C5orf15: variants seen among roughly 807,000 people sequenced by gnomAD.
C5orf15 encodes keratinocyte-associated transmembrane protein 2.
C5orf15 carries 10 observed loss-of-function variants against 17.8 expected under a neutral mutation model. The ratio of observed to expected loss-of-function variants is 0.56; its 90% confidence interval spans 0.35 to 0.95. The LOEUF is 0.95. C5orf15 is among the 40% of genes least tolerant of loss of function. The probability of loss-of-function intolerance (pLI) is 0.02; values close to 1 mark genes in which losing one functional copy is unlikely to be tolerated. For synonymous variants in C5orf15, 124 were observed against 131.0 expected, an observed-to-expected ratio of 0.95 and a Z score of 0.36; for missense variants, 319 against 331.7, an observed-to-expected ratio of 0.96 and a Z score of 0.30.
In C5orf15 at chr5:133,959,549, A is replaced by G. The variant is rs143003642; in HGVS notation, c.611T>C (p.Ile204Thr). The change falls in exon 2 of 3, where the codon ATT becomes ACT. Residue 204 changes from isoleucine (I) to threonine (T), a missense_variant. By Grantham distance (89) the Ile-to-Thr change is moderately conservative (BLOSUM62 -1). Around this residue, in one of 3 missense-constraint regions of C5orf15, gnomAD observed 175 missense variants for 192.4 expected, o/e 0.91. Transcript: ENST00000231512. ...AACAGCAATGCAAAAAGCAAAAATA[A>G]TAAGATGAAAAAAGAAATGGCTGTC... Reference protein sequence around the residue: ...EEDSHFFFHLIIFAFCIAVVY... With the variant: ...EEDSHFFFHLTIFAFCIAVVY... The G allele has an allele frequency of 2.5e-6, 4 of 1,600,620 alleles. No homozygotes were observed. The highest frequency in any genetic ancestry group is 2.6e-6 in the Non-Finnish European group (3 of 1,175,308).
At chr5:133,958,248 A>T (rs1752064757) in intron 2 of C5orf15, among the ~76,000 whole-genome samples, 1 of 151,962 alleles carries the variant, frequency 6.6e-6, no homozygotes, top group East Asian at 1.9e-4. Flanking sequence ...AATATTAAGG[A>T]TATGGAAAAT....
intron 1 of C5orf15, among the ~76,000 whole-genome samples, chr5:133,967,662 C>G (rs555165458): frequency 2.8e-4 from 42 of 152,254 alleles, no homozygotes; most frequent in Admixed American, 2.6e-3. Context: ...TGCATTAAAA[C>G]GAGGCAGGGT....
rs1752230593 is a variant in C5orf15 at position 133,968,547 on chromosome 5, G to A, written c.38C>T (p.Ala13Val). The change falls in exon 1 of 3, where the codon GCA (alanine) becomes GTA (valine). Residue 13 changes from alanine (A) to valine (V), a missense_variant. Ala to Val is a moderately conservative substitution (Grantham distance 64). Around this residue, in one of 3 missense-constraint regions of C5orf15, gnomAD observed 127 missense variants for 95.6 expected, o/e 1.33. Transcript: ENST00000231512. ...AAVPKRMRGP[A>V]QAKLLPGSAI... Reference sequence around the variant, plus strand: ...CGACCCGGGCAGCAGTTTCGCTTGTGCTGGCCCCCTCATCCTCTTCGGGAC... The same window carrying A: ...CGACCCGGGCAGCAGTTTCGCTTGTACTGGCCCCCTCATCCTCTTCGGGAC... The A allele has an allele frequency of 1.2e-6, 2 of 1,609,736 alleles. No homozygotes were observed. The highest frequency in any genetic ancestry group is 2.2e-5 in the South Asian group (2 of 90,162).
At chr5:133,962,630 ACCT>A (rs1251689330) in intron 1 of C5orf15, among the ~76,000 whole-genome samples, 1 of 151,544 alleles carries the variant, frequency 6.6e-6, no homozygotes, top group Non-Finnish European at 1.5e-5. Context: ...AAAATCTTTG[ACCT>A]CCTCTCTTCT....
Position 133,959,537 on chromosome 5 carries a change from A to G in C5orf15, c.623T>C (p.Phe208Ser). Residue 208 changes from phenylalanine (F) to serine (S), a missense_variant, in exon 2 of 3, where the codon TTT (phenylalanine) becomes TCT (serine). Phe to Ser is a radical substitution (Grantham distance 155). This residue lies in a region of C5orf15 where 175 missense variants were observed against 192.4 expected (regional missense o/e 0.91). Coordinates refer to ENST00000231512, the MANE Select transcript of C5orf15 (RefSeq NM_020199.3). ...HFFFHLIIFA[F>S]CIAVVYITYH... ...TGTAATGTAAACAACAGCAATGCAA[A>G]AAGCAAAAATAATAAGATGAAAAAA... is the stretch of plus-strand genomic sequence containing the variant. The G allele has an allele frequency of 6.3e-7, 1 of 1,594,084 alleles. No individual in the cohort carries two copies. The highest frequency in any genetic ancestry group is 8.5e-7 in the Non-Finnish European group (1 of 1,172,102).
chr5:133,960,810 C>A (rs1421354639), intron 1 of C5orf15, among the ~76,000 whole-genome samples: 1 of 152,010 alleles, frequency 6.6e-6, no homozygotes, highest in Non-Finnish European at 1.5e-5. Flanking sequence ...TCTTACTATT[C>A]TTTTACCAAG....
Position 133,959,573 on chromosome 5 carries a change from T to C in C5orf15, c.587A>G (p.Asp196Gly), listed in dbSNP as rs1214017262. 4.4e-6 allele frequency: 7 copies of C among 1,608,288 alleles called. No homozygotes were observed. The Admixed American group carries it at 5.1e-5, about 12-fold the overall frequency. Residue 196 changes from aspartate to glycine, a missense_variant, in exon 2 of 3, where the codon GAC (aspartate) becomes GGC (glycine). Asp to Gly is a moderately conservative substitution (Grantham distance 94). This residue lies in a region of C5orf15 where 175 missense variants were observed against 192.4 expected (regional missense o/e 0.91). Transcript: ENST00000231512. ...AATAAGATGAAAAAAGAAATGGCTG[T>C]CTTCCTCTTCTATATTTGAGGATGG... ...KMPSSNIEEE[D>G]SHFFFHLIIF...
In C5orf15 at chr5:133,968,594, G is replaced by C. The variant is rs751740085; in HGVS notation, c.-10C>G. On this transcript the variant is annotated 5_prime_UTR_variant, in exon 1 of 3. Transcript: ENST00000231512. ...GGACGGCAGCGGCCATAACGGACTC[G>C]GCTGGGAGCCTGCGCTGTTGCTAGG... 3.7e-6 allele frequency: 6 copies of C among 1,602,422 alleles called. No homozygotes were observed. The African/African-American group carries it at 5.3e-5, about 14-fold the overall frequency.
At chr5:133,960,685 T>G (rs896319832) in intron 1 of C5orf15, among the ~76,000 whole-genome samples, 1 of 152,182 alleles carries the variant, frequency 6.6e-6, no homozygotes, top group Admixed American at 6.5e-5. Flanking sequence ...ATTTTGAAGA[T>G]GAGGGAAGGC....
Position 133,959,751 on chromosome 5 carries a change from A to T in C5orf15, c.409T>A (p.Ser137Thr), listed in dbSNP as rs1211799194. The T allele has an allele frequency of 1.2e-6, 2 of 1,613,982 alleles. No homozygotes were observed. Among genetic ancestry groups the T allele is most frequent in the South Asian group, 2.2e-5 (2 of 91,068 alleles). The change falls in exon 2 of 3, where the codon TCC (serine) becomes ACC (threonine). Residue 137 changes from serine (S) to threonine (T), a missense_variant. Around this residue, in one of 3 missense-constraint regions of C5orf15, gnomAD observed 175 missense variants for 192.4 expected, o/e 0.91. Coordinates refer to ENST00000231512, the MANE Select transcript of C5orf15 (RefSeq NM_020199.3). The part of the protein sequence containing the change: ...EDLLMLNSSP[S>T]TAKDTLDNGD... ...TTGTCTAGAGTGTCTTTGGCTGTGGATGGAGAACTGTTCAGCATGAGAAGA... is the reference window on the plus strand; with the variant it reads ...TTGTCTAGAGTGTCTTTGGCTGTGGTTGGAGAACTGTTCAGCATGAGAAGA...
Position 133,956,809 on chromosome 5 carries a change from T to C in C5orf15, c.*50A>G, listed in dbSNP as rs746656501. The C allele has an allele frequency of 1.9e-6, 3 of 1,551,108 alleles. No homozygotes were observed. The highest frequency in any genetic ancestry group is 2.3e-5 in the East Asian group (1 of 42,732). ...TGGCAAACATTTGCACAATATCATA[T>C]AAAAAGTCAAGCAAATAAAATTACA... On this transcript the variant is annotated 3_prime_UTR_variant, in exon 3 of 3. Transcript: ENST00000231512.
At chr5:133,963,159 A>G (rs1332964869) in intron 1 of C5orf15, among the ~76,000 whole-genome samples, 3 of 152,262 alleles carry the variant, frequency 2.0e-5, no homozygotes, top group Non-Finnish European at 4.4e-5. Context: ...ATTGTTGGCA[A>G]TCATATTTTC....
chr5:133,959,440 C>CA, intron 2 of C5orf15, 54 bp downstream of exon 2: 1 of 330,974 alleles, frequency 3.0e-6, no homozygotes, highest in Non-Finnish European at 5.5e-6. Flanking sequence ...AACCATGAAT[C>CA]ATCAAAAGCA....
chr5:133,960,020 A>G lies in C5orf15; in HGVS notation c.140T>C (p.Val47Ala). 6.3e-7 allele frequency: 1 copy of G among 1,580,108 alleles called. No homozygotes were observed. Among genetic ancestry groups the G allele is most frequent in the East Asian group, 2.3e-5 (1 of 44,338 alleles). The change falls in exon 2 of 3, where the codon GTT becomes GCT. Residue 47 changes from valine (V) to alanine (A), a missense_variant and splice_region_variant. Transcript: ENST00000231512. ...GCTCGGTGAATCAGTCCGTGATACA[A>G]CTGAAACAAACAAAGAATATCAAAC... ...LLLVSAALSS[V>A]VSRTDSPSPT...
intron 1 of C5orf15, among the ~76,000 whole-genome samples, chr5:133,966,080 A>G (rs1752187769): frequency 6.6e-6 from 1 of 151,822 alleles, no homozygotes; most frequent in African/African-American, 2.4e-5. Flanking sequence ...AAAACTAGCC[A>G]GGTGTGGTGC....
At chr5:133,961,854 T>C (rs1436987526) in intron 1 of C5orf15, among the ~76,000 whole-genome samples, 1 of 151,992 alleles carries the variant, frequency 6.6e-6, no homozygotes, top group African/African-American at 2.4e-5. Context: ...TCCTCCCACC[T>C]TGGCCTCCCA....
chr5:133,965,133 T>C (rs1484134655), intron 1 of C5orf15, among the ~76,000 whole-genome samples: 2 of 152,304 alleles, frequency 1.3e-5, no homozygotes, highest in East Asian at 3.9e-4. Context: ...ACTTAATAGA[T>C]AGCAGGCACT....
chr5:133,967,856 T>C (rs545477762), intron 1 of C5orf15, among the ~76,000 whole-genome samples: 2 of 152,224 alleles, frequency 1.3e-5, no homozygotes, highest in South Asian at 4.2e-4. Flanking sequence ...CCTTTCACTT[T>C]CCCTCTCGGA....
intron 2 of C5orf15, among the ~76,000 whole-genome samples, chr5:133,959,242 A>G (rs1752082581): frequency 6.6e-6 from 1 of 151,908 alleles, no homozygotes; most frequent in Non-Finnish European, 1.5e-5. Flanking sequence ...TAATTTTTAA[A>G]AATTAGCCAG....
Sources: gnomAD v4.1 joint callset for allele counts (sites outside exome capture counted in the v4.1 genomes callset) on GRCh38, gnomAD v4.1.1 for gene constraint, gnomAD v4.1.1 regional missense constraint, MANE v1.5 for transcripts, NCBI Gene and HGNC (gene_info 2026-07-23, HGNC 2026-07-21) for gene names.